WT1: variants seen among roughly 807,000 people sequenced by gnomAD.
The protein encoded by WT1 is WT1 transcription factor.
Under a neutral mutation model 60.8 loss-of-function variants are expected in WT1, and 8 were observed. That is an observed-to-expected ratio of 0.13 (90% CI 0.08 to 0.24). WT1 has a LOEUF of 0.24. Among genes scored for constraint, WT1 ranks in the 10% least tolerant of loss-of-function variants. The pLI is 1.00. For missense variants in WT1, 568 were observed against 711.8 expected (o/e 0.80, Z 2.30); for synonymous variants, 312 against 297.1 (o/e 1.05, Z -0.52).
chr11:32,390,102 C>T (rs5030306), intron 9 of WT1, among the ~76,000 whole-genome samples: 1,842 of 152,262 alleles, frequency 0.012, 21 homozygotes, highest in Non-Finnish European at 0.019. Flanking sequence ...TTCCAGAGCC[C>T]GTGCTCTTCC....
intron 5 of WT1, among the ~76,000 whole-genome samples, chr11:32,402,843 C>A (rs5030240): frequency 0.16 from 24,118 of 152,158 alleles, 2,949 homozygotes; most frequent in African/African-American, 0.35. Context: ...GAGCCACTGC[C>A]CCTGGCCTAC....
At chr11:32,419,244 C>T (rs1367099149) in intron 3 of WT1, among the ~76,000 whole-genome samples, 1 of 152,158 alleles carries the variant, frequency 6.6e-6, no homozygotes, top group Non-Finnish European at 1.5e-5. Context: ...GTTTCTTGAA[C>T]TTTCTTTGGG....
At chr11:32,412,457 C>G (rs1852530892) in intron 5 of WT1, among the ~76,000 whole-genome samples, 1 of 152,076 alleles carries the variant, frequency 6.6e-6, no homozygotes, top group African/African-American at 2.4e-5. Context: ...TAACTTCTTC[C>G]TTGTTTTAAT....
chr11:32,421,420 T>C (rs1287993719), intron 3 of WT1, among the ~76,000 whole-genome samples: 1 of 152,234 alleles, frequency 6.6e-6, no homozygotes, highest in Non-Finnish European at 1.5e-5. Context: ...TGTTCGGAAG[T>C]GAACTTTCAA....
Position 32,435,244 on chromosome 11 carries a change from C to T in WT1, c.117G>A (p.Arg39=), listed in dbSNP as rs537150542. Reference sequence around the variant, plus strand: ...ACTTGGCCCAGATGCCGCCCGGGTCCCGGACTCCCTGCTGCTCTGGCTGCT... The same window carrying T: ...ACTTGGCCCAGATGCCGCCCGGGTCTCGGACTCCCTGCTGCTCTGGCTGCT... The change falls in exon 1 of 10, where the codon CGG becomes CGA. Residue 39 remains arginine (R), a synonymous_variant. Coordinates refer to ENST00000452863, the MANE Select transcript of WT1 (RefSeq NM_024426.6). 20 of 1,536,386 alleles carry T rather than the reference C, an allele frequency of 1.3e-5. No homozygotes were observed. In the African/African-American group the frequency reaches 2.7e-4, roughly 21 times the overall value.
Position 32,434,551 on chromosome 11 carries a change from C to T in WT1, c.661+149G>A, listed in dbSNP as rs1318053577. The T allele has an allele frequency of 2.7e-6, 4 of 1,475,850 alleles. No homozygotes were observed. In the African/African-American group the frequency reaches 4.2e-5, roughly 16 times the overall value. The allele number at this position is 1,475,850 out of a possible 1,614,324, so 91.4% of individuals were successfully genotyped here. ...GCACTCCCACTCTCCGGCCTCCTCCCCAGCCGCCGCTTCCGCTATCCTCAC... is the reference window on the plus strand; with the variant it reads ...GCACTCCCACTCTCCGGCCTCCTCCTCAGCCGCCGCTTCCGCTATCCTCAC... On this transcript the variant is annotated intron_variant, in intron 1 of 9. Coordinates refer to ENST00000452863, the MANE Select transcript of WT1 (RefSeq NM_024426.6).
At position 32,399,853 on chromosome 11, in the gene WT1, A is replaced by G. The variant is rs1028182692; in HGVS notation, c.1113+95T>C. ...AGCCTGCAGTGAAGAAGAGGCTGCC[A>G]GGGCCAAAGAGTCCATCAGTAAGGA... On this transcript the variant is annotated intron_variant, in intron 6 of 9. Coordinates refer to ENST00000452863, the MANE Select transcript of WT1 (RefSeq NM_024426.6). 12 of 1,351,496 alleles carry G rather than the reference A, an allele frequency of 8.9e-6. 1 individual carries two copies. The highest frequency in any genetic ancestry group is 5.8e-5 in the African/African-American group (4 of 69,264). 83.7% of individuals were successfully genotyped at this position (1,351,496 alleles called of 1,614,324 possible).
chr11:32,401,028 G>C (rs1346541972), intron 5 of WT1, among the ~76,000 whole-genome samples: 2 of 152,226 alleles, frequency 1.3e-5, no homozygotes, highest in Non-Finnish European at 2.9e-5. Context: ...AATGAAAACA[G>C]ACGTCCACAC....
At chr11:32,406,028 G>C (rs1260976437) in intron 5 of WT1, among the ~76,000 whole-genome samples, 2 of 152,208 alleles carry the variant, frequency 1.3e-5, no homozygotes, top group Non-Finnish European at 2.9e-5. Context: ...TTTTAAAGGT[G>C]AACTGGGGTA....
At chr11:32,418,379 C>T (rs917279011) in intron 3 of WT1, among the ~76,000 whole-genome samples, 3 of 152,120 alleles carry the variant, frequency 2.0e-5, no homozygotes, top group African/African-American at 7.2e-5. Context: ...CTGTATTTAT[C>T]TCATTCCTAG....
At chr11:32,413,226 C>T (rs1852558038) in intron 5 of WT1, among the ~76,000 whole-genome samples, 1 of 152,126 alleles carries the variant, frequency 6.6e-6, no homozygotes. Flanking sequence ...AAAACATGAA[C>T]CAAATCACCA....
At chr11:32,407,213 A>G (rs939155931) in intron 5 of WT1, among the ~76,000 whole-genome samples, 5 of 152,204 alleles carry the variant, frequency 3.3e-5, no homozygotes, top group Admixed American at 1.3e-4. Flanking sequence ...CCCGCTAAAA[A>G]CACGTACATT....
chr11:32,425,440 AT>A (rs1180873217), intron 3 of WT1, among the ~76,000 whole-genome samples: 2 of 152,240 alleles, frequency 1.3e-5, no homozygotes, highest in Non-Finnish European at 2.9e-5. Flanking sequence ...TTCTTCAACC[AT>A]TACATTCACA....
intron 3 of WT1, among the ~76,000 whole-genome samples, chr11:32,419,104 CA>C (rs1251541036): frequency 5.3e-5 from 8 of 152,302 alleles, no homozygotes; most frequent in Non-Finnish European, 8.8e-5. Flanking sequence ...TTTGTAGCAG[CA>C]GCCCGTACTG....
intron 6 of WT1, among the ~76,000 whole-genome samples, chr11:32,398,213 A>G (rs529153119): frequency 6.6e-6 from 1 of 152,322 alleles, no homozygotes; most frequent in South Asian, 2.1e-4. Context: ...AACATTAATC[A>G]GAACATCTCA....
At chr11:32,413,764 G>A (rs1023019165) in intron 5 of WT1, among the ~76,000 whole-genome samples, 2 of 152,180 alleles carry the variant, frequency 1.3e-5, no homozygotes, top group Non-Finnish European at 2.9e-5. Context: ...GTGTGTATAT[G>A]GGATCTCACT....
intron 7 of WT1, 52 bp from the exon 8 acceptor site, chr11:32,392,807 C>T (rs869312745): frequency 1.2e-5 from 18 of 1,549,878 alleles, no homozygotes. Context: ...AAGGGGATCT[C>T]ATTAAAGGCA....
chr11:32,423,096 G>T (rs1852908028), intron 3 of WT1, among the ~76,000 whole-genome samples: 1 of 152,216 alleles, frequency 6.6e-6, no homozygotes, highest in African/African-American at 2.4e-5. Context: ...GGCCCAGCTA[G>T]CTGCCTTTTC....
chr11:32,394,877 A>G (rs1170583473), intron 7 of WT1, among the ~76,000 whole-genome samples: 1 of 152,232 alleles, frequency 6.6e-6, no homozygotes, highest in Non-Finnish European at 1.5e-5. Context: ...CTCTCTCACT[A>G]AAAGTTTCTA....
Sources: allele counts gnomAD v4.1 joint callset (sites outside exome capture counted in the v4.1 genomes callset), GRCh38; gene constraint gnomAD v4.1.1; transcripts MANE v1.5; gene names NCBI Gene and HGNC (gene_info 2026-07-23, HGNC 2026-07-21).